Variants in MAPK9 observed in about 807,000 individuals in gnomAD.
MAPK9 encodes the protein Jun kinase.
MAPK9 carries 30 observed loss-of-function variants against 57.1 expected under a neutral mutation model. That is an observed-to-expected ratio of 0.53 (90% CI 0.39 to 0.71). The LOEUF is 0.71. Ranked by LOEUF, MAPK9 falls within the 30% of genes least tolerant of loss-of-function variation. The probability of loss-of-function intolerance (pLI) is 0.00; values close to 1 mark genes in which losing one functional copy is unlikely to be tolerated. For missense variants in MAPK9, 362 were observed against 521.0 expected, an observed-to-expected ratio of 0.69 and a Z score of 2.97; for synonymous variants, 155 against 177.0, an observed-to-expected ratio of 0.88 and a Z score of 0.99.
chr5:180,242,969 G>A, intron 7 of MAPK9: 1 of 431,820 alleles, frequency 2.3e-6, no homozygotes. Flanking sequence ...TATGATCACA[G>A]TTTATTAAAT....
rs1036267904 is a variant in MAPK9 at position 180,233,236 on chromosome 5, C to G, written c.*3148G>C. On this transcript the variant is annotated 3_prime_UTR_variant, in exon 12 of 12. Transcript: ENST00000452135. ...ACTTGGCTCATCCCAGGCACAAAGCCACAAGCACCATGAATGACGTTAAGT... is the reference window on the plus strand; with the variant it reads ...ACTTGGCTCATCCCAGGCACAAAGCGACAAGCACCATGAATGACGTTAAGT... 2.0e-5 allele frequency: 3 copies of G among 152,196 alleles called. No individual in the cohort carries two copies. The highest frequency in any genetic ancestry group is 6.5e-5 in the Admixed American group (1 of 15,280). 9.4% of individuals were successfully genotyped at this position (152,196 alleles called of 1,614,324 possible).
chr5:180,272,664 TC>T (rs1761444110), intron 2 of MAPK9, among the ~76,000 whole-genome samples: 1 of 152,234 alleles, frequency 6.6e-6, no homozygotes, highest in Admixed American at 6.5e-5. Flanking sequence ...ATGGGACTCA[TC>T]CATTGTTGCT....
At chr5:180,267,581 A>G (rs1462638279) in intron 3 of MAPK9, among the ~76,000 whole-genome samples, 33 of 145,260 alleles carry the variant, frequency 2.3e-4, no homozygotes, top group Non-Finnish European at 3.6e-4. Context: ...AAAAAAAAAA[A>G]GAAAAAGTAA....
intron 10 of MAPK9, 41 bp downstream of exon 10, chr5:180,239,883 G>C: frequency 1.3e-6 from 2 of 1,578,504 alleles, no homozygotes; most frequent in Non-Finnish European, 1.7e-6. Context: ...AGGATTGGAA[G>C]AAATGTCAAA....
chr5:180,262,700 G>C (rs1371592670), intron 4 of MAPK9, among the ~76,000 whole-genome samples: 1 of 152,170 alleles, frequency 6.6e-6, no homozygotes, highest in Non-Finnish European at 1.5e-5. Context: ...GCCTTCCAAA[G>C]TGTTGGGATT....
At chr5:180,243,930 C>T (rs1757857974) in intron 7 of MAPK9, among the ~76,000 whole-genome samples, 1 of 152,188 alleles carries the variant, frequency 6.6e-6, no homozygotes. Flanking sequence ...TGACTGCAAC[C>T]TCCACCTCCC....
intron 2 of MAPK9, among the ~76,000 whole-genome samples, chr5:180,278,012 T>C (rs982435283): frequency 6.6e-6 from 1 of 152,268 alleles, no homozygotes; most frequent in African/African-American, 2.4e-5. Flanking sequence ...TTCTTGAATG[T>C]AACAATTGTC....
chr5:180,238,162 C>T (rs1322557186), intron 11 of MAPK9, 170 bp downstream of exon 11: 13 of 473,480 alleles, frequency 2.7e-5, no homozygotes, highest in African/African-American at 1.4e-4. Context: ...CCCAGCTACT[C>T]GGGAGGCTGA....
chr5:180,263,699 C>T (rs1581238347), intron 4 of MAPK9, among the ~76,000 whole-genome samples: 1 of 128,420 alleles, frequency 7.8e-6, no homozygotes, highest in South Asian at 2.6e-4. Context: ...ATCTGCGGCA[C>T]CAAATTCTTT....
rs34410574 is a variant in MAPK9 at position 180,254,207 on chromosome 5, T to C, written c.451-5069A>G. ...GTGTCGAACTCTTGACCTCAGGTGA[T>C]CTGCCCGCCTCAGTCTCCCAAAGTG... is the stretch of plus-strand genomic sequence containing the variant. On this transcript the variant is annotated intron_variant, in intron 5 of 11. Coordinates refer to ENST00000452135, the MANE Select transcript of MAPK9 (RefSeq NM_002752.5). Among the ~76,000 whole-genome samples the C allele has an allele frequency of 1.2e-3, 186 of 152,308 alleles. 1 individual carries two copies. Among genetic ancestry groups the C allele is most frequent in the African/African-American group, 4.3e-3 (178 of 41,576 alleles).
At chr5:180,260,564 G>A (rs35910485) in intron 5 of MAPK9, among the ~76,000 whole-genome samples, 433 of 152,196 alleles carry the variant, frequency 2.8e-3, no homozygotes, top group Middle Eastern at 0.02. Context: ...TATTTAACAC[G>A]AAAATATTGA....
intron 5 of MAPK9, chr5:180,253,609 TG>T (rs1758939055): frequency 1.3e-5 from 2 of 152,324 alleles, no homozygotes; most frequent in African/African-American, 4.8e-5. Context: ...TCACTCCTGC[TG>T]GCCCTTCACG....
At position 180,238,098 on chromosome 5, in the gene MAPK9, C is replaced by A. The variant is rs556937639; in HGVS notation, c.1132+234G>T. ...CAGCTTGGCCAATATGGTGAAACCC[C>A]GTCTCTACTAAAAATACAAAAATTA... is the stretch of plus-strand genomic sequence containing the variant. On this transcript the variant is annotated intron_variant, in intron 11 of 11. Transcript: ENST00000452135. 337 of 323,492 alleles carry A rather than the reference C, an allele frequency of 1.0e-3. 2 individuals carry two copies. The Middle Eastern group carries it at 0.02, about 19-fold the overall frequency. 20.0% of individuals were successfully genotyped at this position (323,492 alleles called of 1,614,324 possible).
intron 2 of MAPK9, among the ~76,000 whole-genome samples, chr5:180,271,892 TAATA>T (rs1181290107): frequency 2.0e-5 from 3 of 152,226 alleles, no homozygotes; most frequent in African/African-American, 4.8e-5. Flanking sequence ...CACACATTTC[TAATA>T]AATAATAGAT....
chr5:180,241,870 A>G (rs1319181859), intron 8 of MAPK9, among the ~76,000 whole-genome samples: 1 of 152,234 alleles, frequency 6.6e-6, no homozygotes, highest in Non-Finnish European at 1.5e-5. Context: ...TCTAAGTCAC[A>G]TCGAAATGAA....
At chr5:180,281,545 T>C (rs1762315371) in intron 1 of MAPK9, among the ~76,000 whole-genome samples, 1 of 152,234 alleles carries the variant, frequency 6.6e-6, no homozygotes, top group Non-Finnish European at 1.5e-5. Context: ...TAAAATCATA[T>C]AGGTAAACAT....
chr5:180,248,675 G>A (rs1561793139), intron 6 of MAPK9, among the ~76,000 whole-genome samples: 1 of 152,156 alleles, frequency 6.6e-6, no homozygotes, highest in Non-Finnish European at 1.5e-5. Flanking sequence ...TGCTGCTGTG[G>A]GTGTGCTCAC....
At chr5:180,260,533 C>T (rs901789843) in intron 5 of MAPK9, among the ~76,000 whole-genome samples, 1 of 152,158 alleles carries the variant, frequency 6.6e-6, no homozygotes, top group African/African-American at 2.4e-5. Flanking sequence ...ATGACCATCT[C>T]TGGACTGTTG....
chr5:180,252,968 A>G (rs1216771119), intron 5 of MAPK9, among the ~76,000 whole-genome samples: 1 of 152,192 alleles, frequency 6.6e-6, no homozygotes, highest in Non-Finnish European at 1.5e-5. Context: ...TATGTGGAGA[A>G]GTAGAGCTGA....
Sources: allele counts gnomAD v4.1 joint callset (sites outside exome capture counted in the v4.1 genomes callset), GRCh38; gene constraint gnomAD v4.1.1; transcripts MANE v1.5; gene names NCBI Gene and HGNC (gene_info 2026-07-23, HGNC 2026-07-21).